The following LIMS1 variants were observed in gnomAD, a reference collection of about 807,000 sequenced individuals.
LIMS1 encodes the protein LIM zinc finger domain containing 1.
LIMS1 carries 18 observed loss-of-function variants against 44.1 expected under a neutral mutation model. The observed-to-expected ratio is 0.41, with a 90% CI of 0.28 to 0.61. The LOEUF is 0.61. LIMS1 is among the 20% of genes least tolerant of loss of function. The pLI, the probability that LIMS1 is intolerant of heterozygous loss-of-function variation, is 0.32. For missense variants in LIMS1, 201 were observed against 422.0 expected, an observed-to-expected ratio of 0.48 and a Z score of 4.59; for synonymous variants, 93 against 149.1, an observed-to-expected ratio of 0.62 and a Z score of 2.74.
At chr2:108,616,404 T>G (rs531422170) in intron 1 of LIMS1, among the ~76,000 whole-genome samples, 1 of 152,094 alleles carries the variant, frequency 6.6e-6, no homozygotes, top group African/African-American at 2.4e-5. Flanking sequence ...AAAGATAAGG[T>G]CTCACTGTGT....
At chr2:108,673,020 C>A in exon 5 of LIMS1, 1 of 1,351,024 alleles carries the variant, frequency 7.4e-7, no homozygotes, top group East Asian at 2.3e-5. Flanking sequence ...TTCAACTGCG[C>A]CAACTGCGGG....
At chr2:108,592,414 A>G (rs1438384187) in intron 1 of LIMS1, among the ~76,000 whole-genome samples, 1 of 152,198 alleles carries the variant, frequency 6.6e-6, no homozygotes, top group East Asian at 1.9e-4. Context: ...GATGGGACAT[A>G]TAATACAGAA....
At chr2:108,674,254 C>T (rs1045478337) in intron 5 of LIMS1, among the ~76,000 whole-genome samples, 3 of 151,450 alleles carry the variant, frequency 2.0e-5, no homozygotes, top group East Asian at 2.0e-4. Flanking sequence ...GGCAGGAACC[C>T]GGAAGGCGGA....
chr2:108,642,873 GCTTTACAGCCTT>G (rs2148923793), intron 1 of LIMS1, among the ~76,000 whole-genome samples: 1 of 152,284 alleles, frequency 6.6e-6, no homozygotes, highest in African/African-American at 2.4e-5. Context: ...GGAATCTGAA[GCTTTACAGCCTT>G]CTTTACAGGA....
chr2:108,565,955 C>T (rs911307097), intron 1 of LIMS1, among the ~76,000 whole-genome samples: 8 of 152,202 alleles, frequency 5.3e-5, no homozygotes, highest in African/African-American at 1.7e-4. Context: ...AAAGGCCTCA[C>T]TTAATACTGT....
chr2:108,566,844 G>A (rs765794293), intron 1 of LIMS1, among the ~76,000 whole-genome samples: 9 of 152,056 alleles, frequency 5.9e-5, no homozygotes, highest in African/African-American at 2.2e-4. Context: ...TGATGCTCCC[G>A]CCTCAGCCTT....
intron 1 of LIMS1, chr2:108,588,768 A>T (rs1187013664): frequency 4.1e-6 from 1 of 241,550 alleles, no homozygotes; most frequent in African/African-American, 2.3e-5. Flanking sequence ...AGCCATGCTG[A>T]TTAAAATTTT....
At chr2:108,607,556 G>A (rs1687340672) in intron 1 of LIMS1, among the ~76,000 whole-genome samples, 1 of 152,100 alleles carries the variant, frequency 6.6e-6, no homozygotes, top group Non-Finnish European at 1.5e-5. Flanking sequence ...CATGGGCGGA[G>A]TTCCATTTTA....
At chr2:108,561,925 G>A (rs775970919) in intron 1 of LIMS1, among the ~76,000 whole-genome samples, 7 of 151,828 alleles carry the variant, frequency 4.6e-5, no homozygotes, top group Non-Finnish European at 1.0e-4. Context: ...GTACTTTGTA[G>A]TAGAGACAGG....
chr2:108,619,335 A>G (rs936857804), intron 1 of LIMS1, among the ~76,000 whole-genome samples: 2 of 151,932 alleles, frequency 1.3e-5, no homozygotes, highest in Admixed American at 6.6e-5. Context: ...GGGGAAAACA[A>G]GGAAGATTAG....
chr2:108,623,399 G>A (rs1367646934), intron 1 of LIMS1, among the ~76,000 whole-genome samples: 1 of 151,900 alleles, frequency 6.6e-6, no homozygotes, highest in Non-Finnish European at 1.5e-5. Context: ...TTAAGTCTTG[G>A]TTTATTCTTT....
intron 1 of LIMS1, among the ~76,000 whole-genome samples, chr2:108,601,381 G>T (rs1336437229): frequency 1.3e-5 from 2 of 152,192 alleles, no homozygotes; most frequent in Non-Finnish European, 2.9e-5. Context: ...TTTCGGTGCA[G>T]TCTGGGACTC....
At chr2:108,551,949 G>GTATATATA (rs1469384389) in intron 1 of LIMS1, among the ~76,000 whole-genome samples, 2 of 98,036 alleles carry the variant, frequency 2.0e-5, no homozygotes, top group East Asian at 7.6e-4. Context: ...GTGTGTGTGT[G>GTATATATA]TGTGTATATA....
chr2:108,599,991 T>G (rs200513691), intron 1 of LIMS1, among the ~76,000 whole-genome samples: 1 of 128,828 alleles, frequency 7.8e-6, no homozygotes, highest in Non-Finnish European at 1.8e-5. Flanking sequence ...TTGTCTTTTC[T>G]CTTTGTTGAC....
At chr2:108,607,874 T>A (rs1010685425) in intron 1 of LIMS1, among the ~76,000 whole-genome samples, 5 of 152,196 alleles carry the variant, frequency 3.3e-5, no homozygotes, top group Admixed American at 2.6e-4. Flanking sequence ...AATGCCCCTT[T>A]TGTCCTCTGA....
chr2:108,534,423 G>C, exon 1 of LIMS1: 2 of 498,092 alleles, frequency 4.0e-6, no homozygotes. Flanking sequence ...CCGCGCCCCC[G>C]CGCGGCCGGC....
At chr2:108,617,858 G>T (rs13384510) in intron 1 of LIMS1, among the ~76,000 whole-genome samples, 54,882 of 152,066 alleles carry the variant, frequency 0.36, 11,830 homozygotes, top group East Asian at 0.88. Context: ...GGGGGTGTGA[G>T]ATCTGCTGGA....
chr2:108,655,077 G>A (rs1690761067), intron 1 of LIMS1: 2 of 1,611,318 alleles, frequency 1.2e-6, no homozygotes, highest in East Asian at 2.2e-5. Flanking sequence ...CACCCACGAT[G>A]GCCTTCTCAG....
chr2:108,567,512 C>T (rs547610933), intron 1 of LIMS1, among the ~76,000 whole-genome samples: 10 of 152,226 alleles, frequency 6.6e-5, no homozygotes, highest in South Asian at 2.1e-4. Context: ...CAATAAAACA[C>T]GACAGTAAAC....
Sources: gnomAD v4.1 joint callset for allele counts (sites outside exome capture counted in the v4.1 genomes callset) on GRCh38, gnomAD v4.1.1 for gene constraint, MANE v1.5 for transcripts, NCBI Gene and HGNC (gene_info 2026-07-23, HGNC 2026-07-21) for gene names.